The following ANTXR1 variants were observed in gnomAD, a reference collection of about 807,000 sequenced individuals.
ANTXR1 encodes anthrax toxin receptor 1.
A neutral mutation model predicts 78.1 loss-of-function variants in ANTXR1; 19 were observed. That is an observed-to-expected ratio of 0.24 (90% confidence interval 0.17 to 0.36). ANTXR1 has a LOEUF of 0.36. Among genes scored for constraint, ANTXR1 ranks in the 10% least tolerant of loss-of-function variants. ANTXR1 has a pLI of 1.00. For synonymous variants in ANTXR1, 273 were observed against 260.5 expected (o/e 1.05, Z -0.46); for missense variants, 518 against 718.6 (o/e 0.72, Z 3.19).
rs749879988 is a variant in ANTXR1, at chr2:69,248,852, G to T, written c.*3367G>T. On this transcript the variant is annotated 3_prime_UTR_variant, in exon 18 of 18. Transcript: ENST00000303714. ...TAAAGACATATGCAGTAAAAAGTCT[G>T]TTAATGCACATCCTGTGGGAATGGA... 1.3e-5 allele frequency: 2 copies of T among 152,196 alleles called. No individual in the cohort carries two copies. Among genetic ancestry groups the T allele is most frequent in the African/African-American group, 2.4e-5 (1 of 41,456 alleles). The allele number at this position is 152,196 out of a possible 1,614,324, so 9.4% of individuals were successfully genotyped here.
intron 3 of ANTXR1, among the ~76,000 whole-genome samples, chr2:69,068,258 C>G (rs1010469950): frequency 2.6e-5 from 4 of 152,152 alleles, no homozygotes; most frequent in Non-Finnish European, 4.4e-5. Flanking sequence ...AATTTAAAGT[C>G]TAGAACTGAA....
chr2:69,115,999 C>T (rs1388769619), intron 10 of ANTXR1, among the ~76,000 whole-genome samples: 1 of 152,202 alleles, frequency 6.6e-6, no homozygotes, highest in Non-Finnish European at 1.5e-5. Context: ...CATTTCACTG[C>T]CATCCATTCC....
In ANTXR1 at chr2:69,132,723, T is replaced by C. The variant is rs527382846; in HGVS notation, c.951+8080T>C. On this transcript the variant is annotated intron_variant, in intron 12 of 17. Coordinates refer to ENST00000303714, the MANE Select transcript of ANTXR1 (RefSeq NM_032208.3). ...ACAATTCATTCCAGTGCTTTATGCA[T>C]GTGGGCCTCTTTACTAAGGAAAGAA... 3.3e-5 allele frequency among the ~76,000 whole-genome samples: 5 copies of C among 152,296 alleles called. No individual in the cohort carries two copies. In the East Asian group the frequency reaches 7.7e-4, roughly 24 times the overall value.
In ANTXR1 at chr2:69,013,453, G is replaced by C; in HGVS notation, c.-47G>C. The C allele has an allele frequency of 6.3e-7, 1 of 1,576,194 alleles. No individual in the cohort carries two copies. The highest frequency in any genetic ancestry group is 8.6e-7 in the Non-Finnish European group (1 of 1,162,978). On this transcript the variant is annotated 5_prime_UTR_variant, in exon 1 of 18. Coordinates refer to ENST00000303714, the MANE Select transcript of ANTXR1 (RefSeq NM_032208.3). The surrounding 1 kb of genome is among the most constrained non-coding windows in gnomAD (Gnocchi z 5.0). Reference sequence around the variant, plus strand: ...CGTCCCTGAGGGTCGTGGCGAGTTCGCGGAGCGTGGGAAGGAGCGGACCCT... The same window carrying C: ...CGTCCCTGAGGGTCGTGGCGAGTTCCCGGAGCGTGGGAAGGAGCGGACCCT...
intron 12 of ANTXR1, chr2:69,145,978 A>G (rs1573931339): frequency 1.0e-6 from 1 of 985,448 alleles, no homozygotes; most frequent in Middle Eastern, 5.2e-4. Context: ...GTCTTAAAAG[A>G]GAGGTCCTCA....
At chr2:69,103,532 A>C (rs1671701853) in intron 10 of ANTXR1, 1 of 164,608 alleles carries the variant, frequency 6.1e-6, no homozygotes, top group Non-Finnish European at 1.4e-5. Context: ...TCTTACATGA[A>C]ATACAGGAAT....
In ANTXR1 at chr2:69,199,123, G is replaced by T. The variant is rs540451909; in HGVS notation, c.1434+5708G>T. 1.4e-4 allele frequency among the ~76,000 whole-genome samples: 22 copies of T among 152,316 alleles called. No individual in the cohort carries two copies. In the South Asian group the frequency reaches 4.1e-3, roughly 29 times the overall value. Reference sequence around the variant, plus strand: ...AAATTAACCACTAGGCCAGGACACAGGGGATTCCTGTAGCAGATCAATGGT... The same window carrying T: ...AAATTAACCACTAGGCCAGGACACATGGGATTCCTGTAGCAGATCAATGGT... On this transcript the variant is annotated intron_variant, in intron 17 of 17. Transcript: ENST00000303714.
At chr2:69,152,384 A>G (rs1558603476) in intron 13 of ANTXR1, 120 bp downstream of exon 13, 4 of 963,348 alleles carry the variant, frequency 4.2e-6, no homozygotes, top group Non-Finnish European at 6.5e-6. Flanking sequence ...TGCATTTTTT[A>G]TACAATTTAT....
chr2:69,206,700 C>T (rs1196206149), intron 17 of ANTXR1, among the ~76,000 whole-genome samples: 1 of 152,122 alleles, frequency 6.6e-6, no homozygotes, highest in Non-Finnish European at 1.5e-5. Context: ...GAGCTGAGGC[C>T]ACCCTCTGTG....
chr2:69,077,387 G>A (rs369636681), intron 7 of ANTXR1, 21 bp from the exon 8 acceptor site: 6 of 1,613,790 alleles, frequency 3.7e-6, no homozygotes, highest in Admixed American at 3.3e-5. Flanking sequence ...CCATGTGTTT[G>A]TGTATTTGCT....
At chr2:69,155,554 C>CT (rs746383909) in intron 13 of ANTXR1, among the ~76,000 whole-genome samples, 4 of 152,092 alleles carry the variant, frequency 2.6e-5, no homozygotes, top group African/African-American at 4.8e-5. Context: ...CAAAATTGAA[C>CT]TTTAAAAAGA....
chr2:69,066,150 GT>G (rs1409048434), intron 3 of ANTXR1, among the ~76,000 whole-genome samples: 2 of 152,184 alleles, frequency 1.3e-5, no homozygotes, highest in African/African-American at 4.8e-5. Context: ...GATGGAGGTT[GT>G]TTTTATAGAA....
intron 16 of ANTXR1, among the ~76,000 whole-genome samples, chr2:69,191,450 C>A (rs1674540581): frequency 6.6e-6 from 1 of 152,166 alleles, no homozygotes; most frequent in African/African-American, 2.4e-5. Flanking sequence ...CCAGCCTTCC[C>A]AGCACTGTCA....
intron 13 of ANTXR1, among the ~76,000 whole-genome samples, chr2:69,166,445 A>G (rs903848867): frequency 3.9e-5 from 6 of 152,134 alleles, no homozygotes; most frequent in African/African-American, 1.4e-4. Flanking sequence ...TTACCTCACC[A>G]GCCCATCTCT....
intron 17 of ANTXR1, among the ~76,000 whole-genome samples, chr2:69,237,773 G>A (rs1302873362): frequency 1.3e-5 from 2 of 152,028 alleles, no homozygotes; most frequent in African/African-American, 4.8e-5. Context: ...ATATATACAG[G>A]TATACATACA....
intron 17 of ANTXR1, among the ~76,000 whole-genome samples, chr2:69,241,797 C>G (rs1023439766): frequency 6.6e-6 from 1 of 152,146 alleles, no homozygotes; most frequent in African/African-American, 2.4e-5. Flanking sequence ...ATTGTGTCTG[C>G]GCATCCCCAC....
At chr2:69,061,809 A>T (rs559408709) in intron 3 of ANTXR1, among the ~76,000 whole-genome samples, 9 of 152,352 alleles carry the variant, frequency 5.9e-5, no homozygotes, top group Admixed American at 4.6e-4. Flanking sequence ...GGTAATCAGC[A>T]TCTAGTATTT....
intron 7 of ANTXR1, among the ~76,000 whole-genome samples, chr2:69,077,052 C>G (rs1670753194): frequency 6.6e-6 from 1 of 152,210 alleles, no homozygotes; most frequent in African/African-American, 2.4e-5. Flanking sequence ...AAGTTGCCAA[C>G]AGGAATTTGG....
chr2:69,020,592 GATCA>G (rs1440154817), intron 1 of ANTXR1, among the ~76,000 whole-genome samples: 14 of 152,106 alleles, frequency 9.2e-5, no homozygotes, highest in African/African-American at 3.1e-4. Flanking sequence ...CAAATTCTGG[GATCA>G]ATTAGGGAGA....
Sources: allele counts gnomAD v4.1 joint callset (sites outside exome capture counted in the v4.1 genomes callset), GRCh38; gene constraint gnomAD v4.1.1; non-coding constraint Gnocchi (gnomAD v3.1); transcripts MANE v1.5; gene names NCBI Gene and HGNC (gene_info 2026-07-23, HGNC 2026-07-21).